Variants in HSD11B1 observed in about 807,000 individuals in gnomAD.
The protein encoded by HSD11B1 is 11-beta-hydroxysteroid dehydrogenase 1.
Under a neutral mutation model 22.1 loss-of-function variants are expected in HSD11B1, and 15 were observed. The observed-to-expected ratio is 0.68, with a 90% CI of 0.45 to 1.04. The LOEUF is 1.04. HSD11B1 is among the 50% of genes least tolerant of loss of function. HSD11B1 has a pLI of 0.00. For missense variants in HSD11B1, 281 were observed against 357.6 expected (o/e 0.79, Z 1.73); for synonymous variants, 122 against 125.2 (o/e 0.97, Z 0.17).
At chr1:209,725,060 T>G (rs631923) in intron 4 of HSD11B1, among the ~76,000 whole-genome samples, 151,896 of 152,312 alleles carry the variant, frequency 1, 75,741 homozygotes, top group Middle Eastern at 1. Context: ...GTGAGGCTAC[T>G]TAAATCCTTT....
intron 4 of HSD11B1, among the ~76,000 whole-genome samples, chr1:209,717,613 T>C (rs1216708780): frequency 6.6e-6 from 1 of 152,072 alleles, no homozygotes; most frequent in Non-Finnish European, 1.5e-5. Context: ...CCCAGCACTT[T>C]GGGAGGCCAA....
chr1:209,708,279 T>C (rs2076873345), intron 4 of HSD11B1, among the ~76,000 whole-genome samples: 1 of 152,224 alleles, frequency 6.6e-6, no homozygotes, highest in Non-Finnish European at 1.5e-5. Flanking sequence ...GCCATCTAAA[T>C]GTTGTTCCTG....
chr1:209,704,619 T>C (rs944766172), upstream of HSD11B1, among the ~76,000 whole-genome samples: 1 of 152,214 alleles, frequency 6.6e-6, no homozygotes, highest in Non-Finnish European at 1.5e-5. Context: ...AAGAGTAAGA[T>C]GGACTCGGGT....
At chr1:209,728,311 A>AT (rs1234104950) in intron 4 of HSD11B1, among the ~76,000 whole-genome samples, 6 of 152,134 alleles carry the variant, frequency 3.9e-5, no homozygotes, top group African/African-American at 7.2e-5. Context: ...TCCCAACATG[A>AT]TTTTTTGAAT....
rs2076860096 is a variant in HSD11B1 at position 209,706,550 on chromosome 1, A to G, written c.220-159A>G. 2.0e-5 allele frequency among the ~76,000 whole-genome samples: 3 copies of G among 152,350 alleles called. No homozygotes were observed. In the South Asian group the frequency reaches 6.2e-4, roughly 32 times the overall value. Reference sequence around the variant, plus strand: ...ATATTTCAGACAGAGGACGATGATCATGAGGGTTATATTAGGCAACACACA... The same window carrying G: ...ATATTTCAGACAGAGGACGATGATCGTGAGGGTTATATTAGGCAACACACA... On this transcript the variant is annotated intron_variant, in intron 2 of 5. Coordinates refer to ENST00000367027, the MANE Select transcript of HSD11B1 (RefSeq NM_005525.4). The surrounding 1 kb of genome is among the most constrained non-coding windows in gnomAD (Gnocchi z 4.0).
intron 1 of HSD11B1, among the ~76,000 whole-genome samples, chr1:209,689,583 C>A (rs1013487029): frequency 4.6e-5 from 7 of 152,082 alleles, no homozygotes; most frequent in Non-Finnish European, 1.0e-4. Flanking sequence ...TGACTTGGTG[C>A]CATGCTCATA....
At chr1:209,710,446 T>C (rs2076887879) in intron 4 of HSD11B1, among the ~76,000 whole-genome samples, 1 of 152,218 alleles carries the variant, frequency 6.6e-6, no homozygotes. Flanking sequence ...CCCTACCTCC[T>C]ATGAAGTCTT....
intron 1 of HSD11B1, among the ~76,000 whole-genome samples, chr1:209,689,174 C>T (rs1271429951): frequency 1.3e-5 from 2 of 152,028 alleles, no homozygotes; most frequent in Non-Finnish European, 2.9e-5. Context: ...GATGAGATTC[C>T]CCAGCCCATT....
At chr1:209,700,082 C>T (rs1329083628), upstream of HSD11B1, among the ~76,000 whole-genome samples, 1 of 152,154 alleles carries the variant, frequency 6.6e-6, no homozygotes, top group Non-Finnish European at 1.5e-5. Flanking sequence ...GCACAAACTG[C>T]CAGTGGATCT....
chr1:209,732,554 C>G lies in HSD11B1; in HGVS notation c.636C>G (p.Leu212=), dbSNP rs768307932. Residue 212 remains leucine, a synonymous_variant, in exon 5 of 6, where the codon CTC becomes CTG. Coordinates refer to ENST00000367027, the MANE Select transcript of HSD11B1 (RefSeq NM_005525.4). Reference sequence around the variant, plus strand: ...CCAGGGTCAATGTATCAATCACTCTCTGTGTTCTTGGCCTCATAGACACAG... The same window carrying G: ...CCAGGGTCAATGTATCAATCACTCTGTGTGTTCTTGGCCTCATAGACACAG... ...SVSRVNVSIT[L]CVLGLIDTET... 2 of 1,613,888 alleles carry G rather than the reference C, an allele frequency of 1.2e-6. No homozygotes were observed. Among genetic ancestry groups the G allele is most frequent in the Non-Finnish European group, 1.7e-6 (2 of 1,179,850 alleles).
At chr1:209,693,220 T>C (rs1029693758) in intron 1 of HSD11B1, among the ~76,000 whole-genome samples, 1 of 152,182 alleles carries the variant, frequency 6.6e-6, no homozygotes, top group African/African-American at 2.4e-5. Context: ...TCCCATCAGA[T>C]ATAAAATACA....
chr1:209,719,617 C>G (rs2076952856), intron 4 of HSD11B1, among the ~76,000 whole-genome samples: 2 of 152,150 alleles, frequency 1.3e-5, no homozygotes, highest in Non-Finnish European at 2.9e-5. Context: ...TCCATGTACT[C>G]TCATTGTTCA....
intron 4 of HSD11B1, among the ~76,000 whole-genome samples, chr1:209,714,490 A>AT (rs2076918133): frequency 6.6e-6 from 1 of 152,224 alleles, no homozygotes; most frequent in Non-Finnish European, 1.5e-5. Flanking sequence ...TGAACAAATG[A>AT]TAAAATAGCT....
At chr1:209,689,179 C>A (rs1230531140) in intron 1 of HSD11B1, among the ~76,000 whole-genome samples, 1 of 152,118 alleles carries the variant, frequency 6.6e-6, no homozygotes, top group African/African-American at 2.4e-5. Context: ...GATTCCCCAG[C>A]CCATTTTACT....
At chr1:209,686,663 ATGT>A (rs34506121) in intron 1 of HSD11B1, among the ~76,000 whole-genome samples, 113,230 of 151,932 alleles carry the variant, frequency 0.75, 44,310 homozygotes, top group Non-Finnish European at 0.86. Flanking sequence ...AATTATAGAA[ATGT>A]TGTAAGCAGT....
At chr1:209,716,034 A>T (rs982560416) in intron 4 of HSD11B1, among the ~76,000 whole-genome samples, 2 of 152,218 alleles carry the variant, frequency 1.3e-5, no homozygotes, top group African/African-American at 4.8e-5. Flanking sequence ...CTAAACAAGG[A>T]TGCCCACTTT....
chr1:209,705,365 T>C (rs1236348977), intron 1 of HSD11B1, among the ~76,000 whole-genome samples: 3 of 88,512 alleles, frequency 3.4e-5, no homozygotes, highest in Non-Finnish European at 6.6e-5. Flanking sequence ...GACTGATAAG[T>C]GGGAGGCAAA....
chr1:209,695,417 C>T (rs1197477420), intron 1 of HSD11B1, among the ~76,000 whole-genome samples: 1 of 152,082 alleles, frequency 6.6e-6, no homozygotes, highest in Non-Finnish European at 1.5e-5. Flanking sequence ...TTCTGGATTA[C>T]TAATTAGACG....
rs1452447896 is a variant in HSD11B1 at position 209,734,489 on chromosome 1, A to G, written c.847A>G (p.Ser283Gly). ...RKILEFLYST[S>G]YNMDRFINK ...GATCCTGGAATTTCTCTACTCAACG[A>G]GCTATAATATGGACAGATTCATAAA... The change falls in exon 6 of 6, where the codon AGC becomes GGC. Residue 283 changes from serine (S) to glycine (G), a missense_variant. By Grantham distance (56) the Ser-to-Gly change is moderately conservative (BLOSUM62 0). Transcript: ENST00000367027. 3.7e-6 allele frequency: 6 copies of G among 1,613,862 alleles called. No homozygotes were observed. Among genetic ancestry groups the G allele is most frequent in the Non-Finnish European group, 8.5e-7 (1 of 1,179,934 alleles).
Sources: allele counts gnomAD v4.1 joint callset (sites outside exome capture counted in the v4.1 genomes callset), GRCh38; gene constraint gnomAD v4.1.1; non-coding constraint Gnocchi (gnomAD v3.1); transcripts MANE v1.5; gene names NCBI Gene and HGNC (gene_info 2026-07-23, HGNC 2026-07-21).